The following PARD3B variants were observed in gnomAD, a reference collection of about 807,000 sequenced individuals.
PARD3B encodes the protein partitioning defective 3 homolog B.
Under a neutral mutation model 130.2 loss-of-function variants are expected in PARD3B, and 103 were observed. That is an observed-to-expected ratio of 0.79 (90% CI 0.67 to 0.93). PARD3B has a LOEUF of 0.93. Ranked by LOEUF, PARD3B falls within the 40% of genes least tolerant of loss-of-function variation. The probability of loss-of-function intolerance (pLI) is 0.00; values close to 1 mark genes in which losing one functional copy is unlikely to be tolerated. For missense variants in PARD3B, 1,609 were observed against 1,499.2 expected (o/e 1.07, Z -1.21); for synonymous variants, 583 against 553.2 (o/e 1.05, Z -0.76).
intron 2 of PARD3B, among the ~76,000 whole-genome samples, chr2:204,714,946 A>G (rs10179131): frequency 0.018 from 2,749 of 152,320 alleles, 68 homozygotes; most frequent in African/African-American, 0.062. Flanking sequence ...TTCATGTTAC[A>G]ATTAGAGGTA....
intron 2 of PARD3B, among the ~76,000 whole-genome samples, chr2:204,917,947 G>C (rs879426337): frequency 2.6e-5 from 4 of 151,986 alleles, no homozygotes; most frequent in Admixed American, 6.5e-5. Flanking sequence ...GTTTGGAATA[G>C]TGACAGGTTT....
At chr2:205,074,447 C>G (rs143994555) in intron 4 of PARD3B, among the ~76,000 whole-genome samples, 1 of 152,094 alleles carries the variant, frequency 6.6e-6, no homozygotes, top group South Asian at 2.1e-4. Flanking sequence ...GTTTATGGAA[C>G]GACTTCAGAA....
chr2:204,820,625 G>A (rs1340332503), intron 2 of PARD3B, among the ~76,000 whole-genome samples: 1 of 151,804 alleles, frequency 6.6e-6, no homozygotes, highest in Admixed American at 6.6e-5. Context: ...GACCAGCCTG[G>A]CCAACATGGT....
intron 20 of PARD3B, among the ~76,000 whole-genome samples, chr2:205,448,348 C>T (rs772651198): frequency 4.6e-4 from 70 of 152,128 alleles, no homozygotes; most frequent in Non-Finnish European, 8.8e-4. Context: ...ATTAATGTGG[C>T]CTAAGCTTTT....
chr2:205,298,701 T>C (rs918569295), intron 16 of PARD3B, among the ~76,000 whole-genome samples: 2 of 152,218 alleles, frequency 1.3e-5, no homozygotes, highest in Non-Finnish European at 2.9e-5. Context: ...ATCCAATTTT[T>C]GCAGTTTGCC....
At chr2:204,920,549 A>G (rs893359446) in intron 2 of PARD3B, among the ~76,000 whole-genome samples, 4 of 152,170 alleles carry the variant, frequency 2.6e-5, no homozygotes, top group Admixed American at 2.6e-4. Flanking sequence ...AATTCCCTTC[A>G]AATACCTTTG....
At position 205,480,585 on chromosome 2, in the gene PARD3B, T is replaced by C. The variant is rs553526792; in HGVS notation, c.3045-19311T>C. ...ACCTGTAACAGTTGATTATGAATAG[T>C]GGGTGCTCAATAAATATTTGCAAAA... On this transcript the variant is annotated intron_variant, in intron 20 of 22. Transcript: ENST00000406610. 2.6e-5 allele frequency among the ~76,000 whole-genome samples: 4 copies of C among 152,250 alleles called. No homozygotes were observed. In the South Asian group the frequency reaches 8.3e-4, roughly 32 times the overall value.
intron 22 of PARD3B, among the ~76,000 whole-genome samples, chr2:205,599,243 TG>T (rs1313640820): frequency 6.6e-6 from 1 of 152,168 alleles, no homozygotes; most frequent in Non-Finnish European, 1.5e-5. Context: ...GATTACCAGA[TG>T]TAAAAATTTT....
In PARD3B at chr2:205,036,340, T is replaced by A. The variant is rs546295059; in HGVS notation, c.395-11241T>A. Among the ~76,000 whole-genome samples, 191 of 142,648 alleles carry A rather than the reference T, an allele frequency of 1.3e-3. 2 individuals are homozygous for A. Among genetic ancestry groups the A allele is most frequent in the African/African-American group, 4.7e-3 (179 of 38,374 alleles). The allele number at this position is 142,648 out of a possible 152,430, so 93.6% of individuals were successfully genotyped here. A position where few individuals can be genotyped will look rare whatever the true frequency, so the allele number is the denominator to read the frequency against. On this transcript the variant is annotated intron_variant, in intron 3 of 22. Coordinates refer to ENST00000406610, the MANE Select transcript of PARD3B (RefSeq NM_001302769.2). ...ATATAGTGGGCTATATATATAAAAA[T>A]ATATGTATATAGTGGGCTATATATA...
chr2:205,224,536 C>T (rs930551909), intron 15 of PARD3B, among the ~76,000 whole-genome samples: 2 of 149,358 alleles, frequency 1.3e-5, no homozygotes, highest in African/African-American at 5.0e-5. Context: ...CCGCCACTCC[C>T]CAGAAGCCCC....
chr2:205,044,921 A>G (rs530041356), intron 3 of PARD3B, among the ~76,000 whole-genome samples: 175 of 152,278 alleles, frequency 1.1e-3, no homozygotes, highest in African/African-American at 4.1e-3. Flanking sequence ...AAAGTCTGAG[A>G]TAACAGTTCA....
rs142001275 is a variant in PARD3B, at chr2:205,065,353, C to T, written c.504+17663C>T. On this transcript the variant is annotated intron_variant, in intron 4 of 22. Transcript: ENST00000406610. Reference sequence around the variant, plus strand: ...GAAACAAAGTGAGACATTCTGTTGACGACAACAGTAGTGATAAAACACACA... The same window carrying T: ...GAAACAAAGTGAGACATTCTGTTGATGACAACAGTAGTGATAAAACACACA... Among the ~76,000 whole-genome samples, 386 of 152,230 alleles carry T rather than the reference C, an allele frequency of 2.5e-3. 1 individual carries two copies. Among genetic ancestry groups the T allele is most frequent in the Non-Finnish European group, 3.4e-3 (231 of 68,008 alleles).
chr2:205,278,868 G>C (rs895989143), intron 16 of PARD3B, among the ~76,000 whole-genome samples: 2 of 151,782 alleles, frequency 1.3e-5, no homozygotes, highest in African/African-American at 2.4e-5. Context: ...TCAGGAGTTC[G>C]AGACCAGGTT....
intron 10 of PARD3B, among the ~76,000 whole-genome samples, chr2:205,149,969 G>C (rs542734688): frequency 3.3e-5 from 5 of 152,208 alleles, no homozygotes; most frequent in African/African-American, 1.2e-4. Context: ...AAATTATCAG[G>C]CTTCAAATAT....
At chr2:204,807,779 AAATT>A (rs1199930639) in intron 2 of PARD3B, among the ~76,000 whole-genome samples, 1 of 152,052 alleles carries the variant, frequency 6.6e-6, no homozygotes. Context: ...TGAGAGCTAA[AAATT>A]AAAACAATTT....
chr2:205,221,222 C>T (rs903560141), intron 15 of PARD3B, among the ~76,000 whole-genome samples: 1 of 152,170 alleles, frequency 6.6e-6, no homozygotes, highest in African/African-American at 2.4e-5. Context: ...CTAGCACTTA[C>T]TCCACTCTTT....
At chr2:205,168,329 G>C (rs549203529) in intron 11 of PARD3B, among the ~76,000 whole-genome samples, 2 of 151,818 alleles carry the variant, frequency 1.3e-5, no homozygotes, top group Non-Finnish European at 2.9e-5. Context: ...GAGTGTGTGT[G>C]TGTGAATATT....
At chr2:205,465,626 G>A (rs1400120959) in intron 20 of PARD3B, among the ~76,000 whole-genome samples, 1 of 152,136 alleles carries the variant, frequency 6.6e-6, no homozygotes, top group Non-Finnish European at 1.5e-5. Context: ...CAGTTGAGTG[G>A]CAAATACATT....
chr2:205,509,380 G>T (rs772451499), intron 21 of PARD3B, among the ~76,000 whole-genome samples: 15 of 151,820 alleles, frequency 9.9e-5, no homozygotes, highest in African/African-American at 1.5e-4. Context: ...ACATTTTTTT[G>T]GGATACTCTC....
Sources: gnomAD v4.1 joint callset for allele counts (sites outside exome capture counted in the v4.1 genomes callset) on GRCh38, gnomAD v4.1.1 for gene constraint, MANE v1.5 for transcripts, NCBI Gene and HGNC (gene_info 2026-07-23, HGNC 2026-07-21) for gene names.